CCND1: variants seen among roughly 807,000 people sequenced by gnomAD.
The protein encoded by CCND1 is cyclin D1.
In CCND1, 9 loss-of-function variants were observed where a neutral mutation model predicts 26.1. The observed-to-expected ratio is 0.35, with a 90% CI of 0.21 to 0.60. The LOEUF (loss-of-function observed/expected upper bound fraction) is 0.60. Ranked by LOEUF, CCND1 falls within the 20% of genes least tolerant of loss-of-function variation. The probability of loss-of-function intolerance (pLI) is 0.79; values close to 1 mark genes in which losing one functional copy is unlikely to be tolerated. For synonymous variants in CCND1, 194 were observed against 166.1 expected (o/e 1.17, Z -1.29); for missense variants, 335 against 392.9 (o/e 0.85, Z 1.25).
rs1456684997 is a variant in CCND1, at chr11:69,652,134, CATAAT to C, written c.*856_*860del. The C allele has an allele frequency of 4.3e-6, 1 of 233,504 alleles. No individual in the cohort carries two copies. Among genetic ancestry groups the C allele is most frequent in the African/African-American group, 2.2e-5 (1 of 45,348 alleles). The allele number at this position is 233,504 out of a possible 1,614,324, so 14.5% of individuals were successfully genotyped here. On this transcript the variant is annotated 3_prime_UTR_variant, in exon 5 of 5. Transcript: ENST00000227507. ...CTATAAAGAGAAGACGAAATAGTGA[CATAAT>C]ATATTCTATTTTTATACTCTTCCTA...
At chr11:69,647,144 C>A (rs1053601104) in intron 3 of CCND1, among the ~76,000 whole-genome samples, 3 of 152,270 alleles carry the variant, frequency 2.0e-5, no homozygotes, top group African/African-American at 7.2e-5. Flanking sequence ...CACCTCTTCC[C>A]TTACTTGGGA....
intron 4 of CCND1, 36 bp from the exon 5 acceptor site, chr11:69,651,082 C>A (rs2120119074): frequency 1.3e-6 from 2 of 1,595,314 alleles, no homozygotes; most frequent in South Asian, 1.1e-5. Flanking sequence ...TCTAAGGACC[C>A]CCTCTTCCCA....
At position 69,644,785 on chromosome 11, in the gene CCND1, C is replaced by G. The variant is rs1175558125; in HGVS notation, c.574+794C>G. 3.3e-5 allele frequency among the ~76,000 whole-genome samples: 5 copies of G among 152,334 alleles called. No individual in the cohort carries two copies. In the East Asian group the frequency reaches 9.7e-4, roughly 29 times the overall value. On this transcript the variant is annotated intron_variant, in intron 3 of 4. Coordinates refer to ENST00000227507, the MANE Select transcript of CCND1 (RefSeq NM_053056.3). ...TGACCCCCCTGTGACCGCCTCCTTCCCTGGCCCAGGAGGCCTGGTTACCTT... is the reference window on the plus strand; with the variant it reads ...TGACCCCCCTGTGACCGCCTCCTTCGCTGGCCCAGGAGGCCTGGTTACCTT...
At position 69,641,189 on chromosome 11, in the gene CCND1, G is replaced by C; in HGVS notation, c.-125G>C. ...GTCGGCGCAGTAGCAGCGAGCAGCA[G>C]AGTCCGCACGCTCCGGCGAGGGGCA... On this transcript the variant is annotated 5_prime_UTR_variant, in exon 1 of 5. Coordinates refer to ENST00000227507, the MANE Select transcript of CCND1 (RefSeq NM_053056.3). The C allele has an allele frequency of 1.1e-6, 1 of 941,126 alleles. No individual in the cohort carries two copies. Among genetic ancestry groups the C allele is most frequent in the East Asian group, 2.4e-5 (1 of 41,084 alleles). The allele number at this position is 941,126 out of a possible 1,614,324, so 58.3% of individuals were successfully genotyped here.
At chr11:69,641,641 A>G (rs986776714) in intron 1 of CCND1, 130 bp downstream of exon 1, 2 of 889,598 alleles carry the variant, frequency 2.2e-6, no homozygotes, top group Non-Finnish European at 3.5e-6. Flanking sequence ...GTTTCTAGGG[A>G]TCCGTATTTT....
At chr11:69,646,800 A>G (rs1855788292) in intron 3 of CCND1, among the ~76,000 whole-genome samples, 1 of 152,130 alleles carries the variant, frequency 6.6e-6, no homozygotes, top group African/African-American at 2.4e-5. Flanking sequence ...CCAGGACGTA[A>G]TTGGTGGCAG....
chr11:69,649,089 GCC>G (rs1031783641), intron 4 of CCND1, among the ~76,000 whole-genome samples: 5 of 152,310 alleles, frequency 3.3e-5, no homozygotes, highest in Admixed American at 3.3e-4. Context: ...CTTGCACCCT[GCC>G]CCGTGTTATC....
chr11:69,644,268 C>G (rs3918296), intron 3 of CCND1: 27,879 of 486,078 alleles, frequency 0.057, 1,971 homozygotes, highest in African/African-American at 0.24. Context: ...CTGGCCTCGT[C>G]CTTCAGGCCA....
intron 4 of CCND1, 38 bp from the exon 5 acceptor site, chr11:69,651,080 C>T (rs367804607): frequency 1.5e-4 from 231 of 1,591,856 alleles, no homozygotes; most frequent in Non-Finnish European, 1.9e-4. Flanking sequence ...CTTCTAAGGA[C>T]CCCCTCTTCC....
chr11:69,643,928 G>C lies in CCND1; in HGVS notation c.511G>C (p.Ala171Pro), dbSNP rs1565225324. 4 of 1,613,508 alleles carry C rather than the reference G, an allele frequency of 2.5e-6. No individual in the cohort carries two copies. The highest frequency in any genetic ancestry group is 1.1e-5 in the South Asian group (1 of 91,092). Residue 171 changes from alanine (A) to proline (P), a missense_variant, in exon 3 of 5, where the codon GCG becomes CCG. Transcript: ENST00000227507. The part of the protein sequence containing the change: ...IEHFLSKMPE[A>P]EENKQIIRKH... The stretch of plus-strand genomic sequence containing the variant: ...ACACTTCCTCTCCAAAATGCCAGAG[G>C]CGGAGGAGAACAAACAGATCATCCG...
At position 69,651,624 on chromosome 11, in the gene CCND1, CT is replaced by C. The variant is rs1477349002; in HGVS notation, c.*343del. The C allele has an allele frequency of 1.4e-4, 36 of 264,188 alleles. No homozygotes were observed. Among genetic ancestry groups the C allele is most frequent in the Admixed American group, 2.1e-4 (4 of 18,644 alleles). 16.4% of individuals were successfully genotyped at this position (264,188 alleles called of 1,614,324 possible). A position where few individuals can be genotyped will look rare whatever the true frequency, so the allele number is the denominator to read the frequency against. On this transcript the variant is annotated 3_prime_UTR_variant, in exon 5 of 5. Transcript: ENST00000227507. ...TTTTTATATTAATGTACTTGTTTCT[CT>C]GTTGTAAGAATAGGCATTAACACAA... is the stretch of plus-strand genomic sequence containing the variant.
intron 3 of CCND1, among the ~76,000 whole-genome samples, chr11:69,646,415 G>A (rs570610782): frequency 3.9e-5 from 6 of 152,106 alleles, no homozygotes; most frequent in Non-Finnish European, 7.4e-5. Context: ...TAACAAGGCC[G>A]AAGTTGTTTA....
rs992125953 is a variant in CCND1 at position 69,652,099 on chromosome 11, C to T, written c.*817C>T. The T allele has an allele frequency of 3.4e-5, 8 of 233,278 alleles. No homozygotes were observed. Among genetic ancestry groups the T allele is most frequent in the South Asian group, 1.8e-4 (1 of 5,524 alleles). The allele number at this position is 233,278 out of a possible 1,614,324, so 14.5% of individuals were successfully genotyped here. A position where few individuals can be genotyped will look rare whatever the true frequency, so the allele number is the denominator to read the frequency against. On this transcript the variant is annotated 3_prime_UTR_variant, in exon 5 of 5. Transcript: ENST00000227507. Reference sequence around the variant, plus strand: ...GGAAAGGCCACCTGTCCCACTCCTACGATACGCTACTATAAAGAGAAGACG... The same window carrying T: ...GGAAAGGCCACCTGTCCCACTCCTATGATACGCTACTATAAAGAGAAGACG...
chr11:69,643,737 A>AGGTGCGGCGTGGCCCGGCCCC, intron 2 of CCND1, 95 bp from the exon 3 acceptor site: 3 of 1,188,844 alleles, frequency 2.5e-6, no homozygotes, highest in Non-Finnish European at 3.6e-6. Flanking sequence ...TCTGAGCCGG[A>AGGTGCGGCGTGGCCCGGCCCC]GGTGCGGCGT....
chr11:69,643,272 C>T (rs1319346448), intron 2 of CCND1, 26 bp downstream of exon 2: 4 of 1,521,930 alleles, frequency 2.6e-6, no homozygotes, highest in Admixed American at 4.0e-5. Context: ...CGCCGCCCCC[C>T]GCCCCCCGCG....
Position 69,646,432 on chromosome 11 carries a change from C to A in CCND1, c.575-1562C>A, listed in dbSNP as rs3212871. On this transcript the variant is annotated intron_variant, in intron 3 of 4. Coordinates refer to ENST00000227507, the MANE Select transcript of CCND1 (RefSeq NM_053056.3). ...ACAAGGCCGAAGTTGTTTATTCTCT[C>A]GGGATGAAGTCTCGGATGGGCCGCC... Among the ~76,000 whole-genome samples the A allele has an allele frequency of 1.8e-4, 28 of 152,278 alleles. 1 individual carries two copies. The highest frequency in any genetic ancestry group is 1.4e-3 in the East Asian group (7 of 5,156).
At chr11:69,642,820 G>T (rs1855725737) in intron 1 of CCND1, among the ~76,000 whole-genome samples, 1 of 151,932 alleles carries the variant, frequency 6.6e-6, no homozygotes, top group African/African-American at 2.4e-5. Context: ...TGCCAGCCTC[G>T]CGGGGACTTT....
intron 1 of CCND1, 89 bp from the exon 2 acceptor site, chr11:69,642,942 G>T: frequency 1.0e-6 from 1 of 955,068 alleles, no homozygotes; most frequent in Non-Finnish European, 1.4e-6. Context: ...CAGACCTGGC[G>T]GCCCTGCCAA....
intron 3 of CCND1, among the ~76,000 whole-genome samples, chr11:69,645,831 C>T (rs1855770668): frequency 6.6e-6 from 1 of 152,164 alleles, no homozygotes; most frequent in South Asian, 2.1e-4. Flanking sequence ...ATTCCTGGCC[C>T]CAGGTCCCCA....
Sources: allele counts gnomAD v4.1 joint callset (sites outside exome capture counted in the v4.1 genomes callset), GRCh38; gene constraint gnomAD v4.1.1; transcripts MANE v1.5; gene names NCBI Gene and HGNC (gene_info 2026-07-23, HGNC 2026-07-21).